Variants in MIPOL1 observed in about 807,000 individuals in gnomAD.
The protein encoded by MIPOL1 is mirror-image polydactyly 1.
MIPOL1 carries 57 observed loss-of-function variants against 60.9 expected under a neutral mutation model. That is an observed-to-expected ratio of 0.94 (90% CI 0.76 to 1.17). MIPOL1 has a LOEUF of 1.17. MIPOL1 is among the 50% of genes most tolerant of loss of function. The pLI is 0.00. For synonymous variants in MIPOL1, 179 were observed against 168.8 expected (o/e 1.06, Z -0.47); for missense variants, 551 against 511.6 (o/e 1.08, Z -0.74).
chr14:37,295,354 C>A (rs1327906320), intron 7 of MIPOL1, among the ~76,000 whole-genome samples: 7 of 152,110 alleles, frequency 4.6e-5, no homozygotes, highest in Non-Finnish European at 1.0e-4. Context: ...AAAAACATGC[C>A]AAATTGTAAA....
At position 37,549,690 on chromosome 14, in the gene MIPOL1, G is replaced by C. The variant is rs947361887; in HGVS notation, c.*2719G>C. 1 of 151,794 alleles carries C rather than the reference G, an allele frequency of 6.6e-6. No homozygotes were observed. Among genetic ancestry groups the C allele is most frequent in the Admixed American group, 6.6e-5 (1 of 15,246 alleles). The allele number at this position is 151,794 out of a possible 1,614,324, so 9.4% of individuals were successfully genotyped here. A position where few individuals can be genotyped will look rare whatever the true frequency, so the allele number is the denominator to read the frequency against. On this transcript the variant is annotated 3_prime_UTR_variant, in exon 13 of 13. Coordinates refer to ENST00000684589, the MANE Select transcript of MIPOL1 (RefSeq NM_001388067.1). Reference sequence around the variant, plus strand: ...CATACAAATTCCCTAATAATCAAAAGATTGTACACATTTTTTTCAATGAAG... The same window carrying C: ...CATACAAATTCCCTAATAATCAAAACATTGTACACATTTTTTTCAATGAAG...
intron 11 of MIPOL1, among the ~76,000 whole-genome samples, chr14:37,499,421 AC>A (rs2095182109): frequency 6.6e-6 from 1 of 152,164 alleles, no homozygotes; most frequent in Admixed American, 6.6e-5. Flanking sequence ...CTCAACTGTG[AC>A]AAGTAGAAGA....
At chr14:37,526,665 G>A (rs949835762) in intron 12 of MIPOL1, among the ~76,000 whole-genome samples, 1 of 151,874 alleles carries the variant, frequency 6.6e-6, no homozygotes, top group Non-Finnish European at 1.5e-5. Context: ...ACAGGCGAGA[G>A]CCACCGCACC....
chr14:37,298,890 C>T (rs12886128), intron 7 of MIPOL1, among the ~76,000 whole-genome samples: 86,756 of 143,098 alleles, frequency 0.61, 26,510 homozygotes, highest in Non-Finnish European at 0.65. Flanking sequence ...GACAGTGTGG[C>T]GATTCCTCAG....
intron 9 of MIPOL1, among the ~76,000 whole-genome samples, chr14:37,310,735 T>G (rs1446058913): frequency 6.6e-6 from 1 of 152,160 alleles, no homozygotes; most frequent in Admixed American, 6.5e-5. Context: ...GGTTCACCCC[T>G]GTATTTTGGA....
intron 11 of MIPOL1, among the ~76,000 whole-genome samples, chr14:37,443,969 G>C (rs1435559135): frequency 6.6e-6 from 1 of 152,066 alleles, no homozygotes; most frequent in Non-Finnish European, 1.5e-5. Flanking sequence ...TGTTCAGTCT[G>C]ACTGATAAAG....
At chr14:37,416,015 C>A (rs183646037) in intron 10 of MIPOL1, among the ~76,000 whole-genome samples, 74 of 152,154 alleles carry the variant, frequency 4.9e-4, no homozygotes, top group African/African-American at 1.7e-3. Context: ...TTTTATTTTC[C>A]TCTCTTCTAA....
At chr14:37,486,401 A>C (rs1445800867) in intron 11 of MIPOL1, among the ~76,000 whole-genome samples, 1 of 152,098 alleles carries the variant, frequency 6.6e-6, no homozygotes, top group Non-Finnish European at 1.5e-5. Context: ...AGGAGCATTG[A>C]ATCTGTGAAT....
chr14:37,511,543 A>C (rs975645649), intron 12 of MIPOL1, among the ~76,000 whole-genome samples: 6 of 152,216 alleles, frequency 3.9e-5, no homozygotes, highest in Admixed American at 6.5e-5. Context: ...TCAATCCATT[A>C]AGAGATGTTT....
intron 9 of MIPOL1, among the ~76,000 whole-genome samples, chr14:37,309,025 T>A (rs1403701460): frequency 6.6e-6 from 1 of 152,122 alleles, no homozygotes; most frequent in African/African-American, 2.4e-5. Flanking sequence ...CTGCTTCCAG[T>A]GCAGTCCTTT....
At chr14:37,395,632 T>C (rs961555837) in intron 10 of MIPOL1, among the ~76,000 whole-genome samples, 5 of 152,198 alleles carry the variant, frequency 3.3e-5, no homozygotes, top group Admixed American at 1.3e-4. Flanking sequence ...TGCTGAATTC[T>C]TTTATCAGTT....
chr14:37,248,756 A>G (rs796509688), intron 3 of MIPOL1, among the ~76,000 whole-genome samples: 1 of 152,080 alleles, frequency 6.6e-6, no homozygotes, highest in South Asian at 2.1e-4. Flanking sequence ...AGAGACAGAC[A>G]TGTATATATG....
intron 12 of MIPOL1, among the ~76,000 whole-genome samples, chr14:37,509,604 T>C (rs2095309370): frequency 2.0e-5 from 3 of 151,650 alleles, no homozygotes; most frequent in Admixed American, 2.0e-4. Context: ...ATAGTACAGA[T>C]ACATATATAC....
chr14:37,378,742 A>G (rs551741108), intron 10 of MIPOL1, among the ~76,000 whole-genome samples: 70 of 152,136 alleles, frequency 4.6e-4, no homozygotes, highest in African/African-American at 1.7e-3. Context: ...GTCAAAGGAA[A>G]GAAGGTACTT....
chr14:37,409,556 C>T (rs1044142910), intron 10 of MIPOL1, among the ~76,000 whole-genome samples: 4 of 152,054 alleles, frequency 2.6e-5, no homozygotes, highest in African/African-American at 9.7e-5. Flanking sequence ...GGGAGGCCAC[C>T]GCTGGTGAAT....
At chr14:37,255,142 T>TA (rs1222651671) in intron 3 of MIPOL1, among the ~76,000 whole-genome samples, 1 of 151,872 alleles carries the variant, frequency 6.6e-6, no homozygotes, top group Non-Finnish European at 1.5e-5. Flanking sequence ...TTGTAACACA[T>TA]ATTTACAACA....
intron 11 of MIPOL1, among the ~76,000 whole-genome samples, chr14:37,482,051 G>A (rs1161549700): frequency 6.6e-6 from 1 of 151,818 alleles, no homozygotes; most frequent in Non-Finnish European, 1.5e-5. Context: ...AAAAGCATAG[G>A]CAACAAAAGA....
chr14:37,230,909 A>G (rs963041329), intron 1 of MIPOL1, among the ~76,000 whole-genome samples: 1 of 152,162 alleles, frequency 6.6e-6, no homozygotes, highest in Non-Finnish European at 1.5e-5. Context: ...CCTATTCATT[A>G]TGTAACTAGA....
At chr14:37,349,199 G>A (rs2091168571) in intron 9 of MIPOL1, among the ~76,000 whole-genome samples, 2 of 152,096 alleles carry the variant, frequency 1.3e-5, no homozygotes, top group South Asian at 4.2e-4. Flanking sequence ...TGTTGGCTAG[G>A]CTGGTCTCGT....
Sources: gnomAD v4.1 joint callset for allele counts (sites outside exome capture counted in the v4.1 genomes callset) on GRCh38, gnomAD v4.1.1 for gene constraint, MANE v1.5 for transcripts, NCBI Gene and HGNC (gene_info 2026-07-23, HGNC 2026-07-21) for gene names.